The following BLTP1 variants were observed in gnomAD, a reference collection of about 807,000 sequenced individuals.
BLTP1 encodes fragile site-associated protein.
At chr4:122,300,666 C>A in the BLTP1 span, among the ~76,000 whole-genome samples, 5 of 152,104 alleles carry the variant, frequency 3.3e-5, no homozygotes, top group African/African-American at 4.8e-5. Context: ...TGCTTTTTAT[C>A]TATTTGGTTC....
chr4:122,316,356 TG>T, the BLTP1 span: 3 of 472,024 alleles, frequency 6.4e-6, no homozygotes, highest in Admixed American at 7.0e-5. Flanking sequence ...AGAGTTCAGA[TG>T]GAAGTTCAAT....
At chr4:122,260,828 A>C in the BLTP1 span, among the ~76,000 whole-genome samples, 1 of 152,158 alleles carries the variant, frequency 6.6e-6, no homozygotes, top group Non-Finnish European at 1.5e-5. Context: ...ACAAATGACT[A>C]ATCATTAGAG....
the BLTP1 span, chr4:122,223,185 A>T: frequency 1.0e-6 from 1 of 966,404 alleles, no homozygotes; most frequent in African/African-American, 1.8e-5. Context: ...TGATTATTGT[A>T]GTCACAATTT....
chr4:122,222,261 A>G, the BLTP1 span, among the ~76,000 whole-genome samples: 24 of 152,072 alleles, frequency 1.6e-4, no homozygotes, highest in Non-Finnish European at 3.4e-4. Flanking sequence ...GTTCTTTCAC[A>G]GTGAGAGGGT....
chr4:122,225,025 T>C, the BLTP1 span: 1 of 994,184 alleles, frequency 1.0e-6, no homozygotes, highest in African/African-American at 1.8e-5. Flanking sequence ...GGAAAAATCT[T>C]ATTTTTCTAC....
the BLTP1 span, chr4:122,313,982 G>C: frequency 2.2e-6 from 2 of 912,376 alleles, no homozygotes; most frequent in Admixed American, 1.2e-4. Context: ...TGTAGTTAAG[G>C]CACATGTACA....
the BLTP1 span, chr4:122,256,199 C>T: frequency 1.0e-3 from 1,028 of 982,224 alleles, no homozygotes; most frequent in Non-Finnish European, 1.2e-3. Flanking sequence ...GCCAGTCAAG[C>T]CATTGTTCAG....
At chr4:122,294,964 A>G in the BLTP1 span, among the ~76,000 whole-genome samples, 10 of 152,350 alleles carry the variant, frequency 6.6e-5, no homozygotes, top group Admixed American at 5.9e-4. Context: ...GAACTTCACA[A>G]TGCACTCACA....
the BLTP1 span, chr4:122,347,791 C>CT: frequency 1.2e-6 from 2 of 1,600,790 alleles, no homozygotes; most frequent in Non-Finnish European, 1.7e-6. Flanking sequence ...TAACACTGCT[C>CT]TTTTTGTTAT....
chr4:122,271,043 C>T, the BLTP1 span: 3 of 1,609,970 alleles, frequency 1.9e-6, no homozygotes, highest in Non-Finnish European at 2.5e-6. Flanking sequence ...TCTTCCTCCA[C>T]TTGAGTTCAA....
chr4:122,245,096 C>T, the BLTP1 span: 8 of 1,610,820 alleles, frequency 5.0e-6, no homozygotes, highest in Non-Finnish European at 6.8e-6. Flanking sequence ...TGCTAAAGTC[C>T]TCAGGGAAGC....
At chr4:122,258,815 C>A in the BLTP1 span, 1 of 1,611,572 alleles carries the variant, frequency 6.2e-7, no homozygotes, top group Non-Finnish European at 8.5e-7. Context: ...AAAACTCATA[C>A]CCATAGTGAC....
At chr4:122,248,519 G>T in the BLTP1 span, among the ~76,000 whole-genome samples, 10 of 152,090 alleles carry the variant, frequency 6.6e-5, no homozygotes, top group Admixed American at 6.5e-4. Context: ...TCTGGTTGTG[G>T]TGTTAGAGGC....
chr4:122,281,996 T>G, the BLTP1 span: 1 of 984,008 alleles, frequency 1.0e-6, no homozygotes, highest in East Asian at 1.1e-4. Flanking sequence ...TCCATAAAAT[T>G]ATTCAACTAT....
chr4:122,190,064 T>C, the BLTP1 span: 1 of 1,613,500 alleles, frequency 6.2e-7, no homozygotes, highest in Non-Finnish European at 8.5e-7. Flanking sequence ...CATCTACTAC[T>C]ACATGGATGA....
chr4:122,195,103 C>G, the BLTP1 span, among the ~76,000 whole-genome samples: 1 of 152,160 alleles, frequency 6.6e-6, no homozygotes, highest in Non-Finnish European at 1.5e-5. Context: ...TAGCAGCCAT[C>G]TATTAACATA....
the BLTP1 span, chr4:122,262,696 A>G: frequency 6.7e-7 from 1 of 1,500,706 alleles, no homozygotes; most frequent in Non-Finnish European, 8.9e-7. Flanking sequence ...TAATAGTAAT[A>G]GTGGTTGTAG....
At chr4:122,245,289 A>G in the BLTP1 span, 3 of 595,828 alleles carry the variant, frequency 5.0e-6, no homozygotes, top group Non-Finnish European at 8.8e-6. Context: ...TCTGTAAAAG[A>G]TAGGACATAT....
the BLTP1 span, chr4:122,243,720 GAAAA>G: frequency 5.3e-6 from 5 of 945,138 alleles, no homozygotes; most frequent in South Asian, 1.3e-4. Context: ...CTATCTCAAA[GAAAA>G]AAAAAAAGTC....
Sources: allele counts gnomAD v4.1 joint callset (sites outside exome capture counted in the v4.1 genomes callset), GRCh38; gene constraint gnomAD v4.1.1; transcripts MANE v1.5; gene names NCBI Gene and HGNC (gene_info 2026-07-23, HGNC 2026-07-21).